The following GALNT2 variants were observed in gnomAD, a reference collection of about 807,000 sequenced individuals.
The protein encoded by GALNT2 is UDP-GalNAc:polypeptide N-acetylgalactosaminyltransferase 2.
A neutral mutation model predicts 81.4 loss-of-function variants in GALNT2; 31 were observed. That is an observed-to-expected ratio of 0.38 (90% confidence interval 0.29 to 0.51). GALNT2 has a LOEUF of 0.51. Among genes scored for constraint, GALNT2 ranks in the 20% least tolerant of loss-of-function variants. The probability of loss-of-function intolerance (pLI) is 0.87; values close to 1 mark genes in which losing one functional copy is unlikely to be tolerated. For synonymous variants in GALNT2, 303 were observed against 287.4 expected, an observed-to-expected ratio of 1.05 and a Z score of -0.55; for missense variants, 629 against 765.7, an observed-to-expected ratio of 0.82 and a Z score of 2.11.
chr1:230,128,097 T>G (rs2144297), intron 1 of GALNT2, among the ~76,000 whole-genome samples: 1 of 151,754 alleles, frequency 6.6e-6, no homozygotes, highest in East Asian at 1.9e-4. Flanking sequence ...GAAGGGTGTC[T>G]GAATCCTTAC....
intron 9 of GALNT2, 48 bp downstream of exon 9, chr1:230,249,319 G>A (rs1333706404): frequency 1.3e-6 from 2 of 1,561,466 alleles, no homozygotes; most frequent in East Asian, 2.2e-5. Context: ...GAGACCCCAG[G>A]TTCCAGCTTC....
Position 230,229,632 on chromosome 1 carries a change from C to T in GALNT2, c.375-6382C>T, listed in dbSNP as rs1572110954. ...TGTAAAAAGACAGTGTCCACTGCAG[C>T]GTTGTTTCTAATGGAGAGAATTGAT... On this transcript the variant is annotated intron_variant, in intron 3 of 15. Transcript: ENST00000366672. 4.6e-5 allele frequency among the ~76,000 whole-genome samples: 7 copies of T among 152,182 alleles called. No homozygotes were observed. The South Asian group carries it at 1.5e-3, about 32-fold the overall frequency.
intron 1 of GALNT2, among the ~76,000 whole-genome samples, chr1:230,145,165 C>T (rs1218156927): frequency 1.4e-4 from 21 of 152,176 alleles, no homozygotes; most frequent in Admixed American, 1.4e-3. Flanking sequence ...GCCTCAGTAC[C>T]AAGACTGTCC....
At chr1:230,077,061 A>G (rs1659586150) in intron 1 of GALNT2, among the ~76,000 whole-genome samples, 1 of 152,224 alleles carries the variant, frequency 6.6e-6, no homozygotes, top group Non-Finnish European at 1.5e-5. Context: ...GGAGATGCCC[A>G]TGAATTAAGT....
intron 2 of GALNT2, 55 bp downstream of exon 2, chr1:230,178,366 C>T: frequency 7.6e-7 from 1 of 1,313,914 alleles, no homozygotes. Context: ...TGGGAGTGGA[C>T]TGAGCATGGC....
chr1:230,218,187 C>G (rs1235621139), intron 3 of GALNT2, among the ~76,000 whole-genome samples: 1 of 152,078 alleles, frequency 6.6e-6, no homozygotes, highest in Non-Finnish European at 1.5e-5. Context: ...TTCTGGATGC[C>G]TTTGGAAGGT....
chr1:230,280,704 C>G lies in GALNT2; in HGVS notation c.*1246C>G, dbSNP rs974487630. 1 of 152,818 alleles carries G rather than the reference C, an allele frequency of 6.5e-6. No homozygotes were observed. Among genetic ancestry groups the G allele is most frequent in the Non-Finnish European group, 1.5e-5 (1 of 68,586 alleles). The allele number at this position is 152,818 out of a possible 1,614,324, so 9.5% of individuals were successfully genotyped here. A position where few individuals can be genotyped will look rare whatever the true frequency, so the allele number is the denominator to read the frequency against. On this transcript the variant is annotated 3_prime_UTR_variant, in exon 16 of 16. Coordinates refer to ENST00000366672, the MANE Select transcript of GALNT2 (RefSeq NM_004481.5). ...AGCCAGGCAGCGAGTCCTGCCCCGC[C>G]CGCAGCTCCCTCCCACACCCCGCCT...
chr1:230,091,007 C>G (rs1012947921), intron 1 of GALNT2, among the ~76,000 whole-genome samples: 5 of 152,094 alleles, frequency 3.3e-5, no homozygotes, highest in Non-Finnish European at 1.5e-5. Context: ...AGAACTGTGC[C>G]TCGCTGAGAA....
chr1:230,062,227 C>T (rs1263599170), intron 1 of GALNT2, among the ~76,000 whole-genome samples: 2 of 151,952 alleles, frequency 1.3e-5, no homozygotes. Context: ...TCTGTTTATG[C>T]TTTTCGCCAT....
chr1:230,093,419 A>C (rs1373137598), intron 1 of GALNT2, among the ~76,000 whole-genome samples: 1 of 152,150 alleles, frequency 6.6e-6, no homozygotes. Flanking sequence ...AGTTGTGTAA[A>C]GGCAATTCTA....
chr1:230,147,876 A>G (rs753211431), intron 1 of GALNT2, among the ~76,000 whole-genome samples: 13 of 152,194 alleles, frequency 8.5e-5, no homozygotes, highest in Non-Finnish European at 1.6e-4. Context: ...TTTAGCTGCT[A>G]TTTCTAAGCA....
At chr1:230,075,514 C>G (rs1263357734) in intron 1 of GALNT2, among the ~76,000 whole-genome samples, 1 of 152,176 alleles carries the variant, frequency 6.6e-6, no homozygotes, top group Non-Finnish European at 1.5e-5. Flanking sequence ...CCTCAGCTGC[C>G]CCTCCGGAAG....
At chr1:230,262,724 A>G (rs1407581078) in intron 12 of GALNT2, 59 bp downstream of exon 12, 3 of 1,396,586 alleles carry the variant, frequency 2.1e-6, no homozygotes, top group Non-Finnish European at 3.0e-6. Context: ...TGGGGGTGGG[A>G]GGTAAGGGGC....
rs571671473 is a variant in GALNT2 at position 230,243,964 on chromosome 1, G to A, written c.729+537G>A. On this transcript the variant is annotated intron_variant, in intron 7 of 15. Coordinates refer to ENST00000366672, the MANE Select transcript of GALNT2 (RefSeq NM_004481.5). This position sits in a 1 kb window ranked among gnomAD's most constrained non-coding sequence, Gnocchi z 4.2. Reference sequence around the variant, plus strand: ...CGGTGGGGTTGTCAGAGGGTGATCCGCGGCTCCACTTCTGCACCTTCTGCT... The same window carrying A: ...CGGTGGGGTTGTCAGAGGGTGATCCACGGCTCCACTTCTGCACCTTCTGCT... Among the ~76,000 whole-genome samples the A allele has an allele frequency of 2.0e-5, 3 of 152,134 alleles. No individual in the cohort carries two copies. The highest frequency in any genetic ancestry group is 2.1e-4 in the South Asian group (1 of 4,822).
At chr1:230,110,502 A>C (rs568713113) in intron 1 of GALNT2, among the ~76,000 whole-genome samples, 2 of 152,232 alleles carry the variant, frequency 1.3e-5, no homozygotes, top group South Asian at 4.1e-4. Flanking sequence ...CCTTTGCACT[A>C]AGTTTCCCCA....
Position 230,223,463 on chromosome 1 carries a change from T to A in GALNT2, c.375-12551T>A, listed in dbSNP as rs559273183. On this transcript the variant is annotated intron_variant, in intron 3 of 15. Coordinates refer to ENST00000366672, the MANE Select transcript of GALNT2 (RefSeq NM_004481.5). ...AATAGACTCTTAGCCATTTTTTTTT[T>A]AATTTTATTCATTTACTTTTTTTGA... Among the ~76,000 whole-genome samples, 38 of 152,132 alleles carry A rather than the reference T, an allele frequency of 2.5e-4. 1 individual carries two copies. Among genetic ancestry groups the A allele is most frequent in the Middle Eastern group, 3.4e-3 (1 of 294 alleles).
At position 230,243,862 on chromosome 1, in the gene GALNT2, A is replaced by G. The variant is rs963710135; in HGVS notation, c.729+435A>G. On this transcript the variant is annotated intron_variant, in intron 7 of 15. Coordinates refer to ENST00000366672, the MANE Select transcript of GALNT2 (RefSeq NM_004481.5). This position sits in a 1 kb window ranked among gnomAD's most constrained non-coding sequence, Gnocchi z 4.2. ...TCCCTGGGGCCACCTCTCTGCTCTT[A>G]GTGAGTAGGGCAGGTTAGCCCAGCA... Among the ~76,000 whole-genome samples, 1 of 152,082 alleles carries G rather than the reference A, an allele frequency of 6.6e-6. No individual in the cohort carries two copies. Among genetic ancestry groups the G allele is most frequent in the Non-Finnish European group, 1.5e-5 (1 of 68,024 alleles).
chr1:230,127,376 T>C (rs965529328), intron 1 of GALNT2, among the ~76,000 whole-genome samples: 2 of 152,140 alleles, frequency 1.3e-5, no homozygotes, highest in Admixed American at 1.3e-4. Flanking sequence ...AAATTCATTA[T>C]GAATAGATTT....
chr1:230,124,532 C>A (rs905528911), intron 1 of GALNT2, among the ~76,000 whole-genome samples: 6 of 152,206 alleles, frequency 3.9e-5, no homozygotes, highest in Non-Finnish European at 5.9e-5. Flanking sequence ...CCAGAAATAA[C>A]TATGGTGGGG....
Sources: gnomAD v4.1 joint callset for allele counts (sites outside exome capture counted in the v4.1 genomes callset) on GRCh38, gnomAD v4.1.1 for gene constraint, Gnocchi (gnomAD v3.1) non-coding constraint, MANE v1.5 for transcripts, NCBI Gene and HGNC (gene_info 2026-07-23, HGNC 2026-07-21) for gene names.